Variants in FLRT2 observed in about 807,000 individuals in gnomAD.
FLRT2 encodes the protein leucine-rich repeat transmembrane protein FLRT2.
In FLRT2, 15 loss-of-function variants were observed where a neutral mutation model predicts 40.0. The observed-to-expected ratio is 0.38, with a 90% CI of 0.25 to 0.58. FLRT2 has a LOEUF of 0.58. FLRT2 is among the 20% of genes least tolerant of loss of function. The pLI is 0.71. For synonymous variants in FLRT2, 380 were observed against 336.8 expected (o/e 1.13, Z -1.41); for missense variants, 726 against 840.0 (o/e 0.86, Z 1.68).
Position 85,623,281 on chromosome 14 carries a change from C to A in FLRT2, c.1767C>A (p.Cys589Ter). 2 of 1,515,654 alleles carry A rather than the reference C, an allele frequency of 1.3e-6. No individual in the cohort carries two copies. The highest frequency in any genetic ancestry group is 8.8e-7 in the Non-Finnish European group (1 of 1,133,006). 93.9% of individuals were successfully genotyped at this position (1,515,654 alleles called of 1,614,324 possible). Reference protein sequence around the residue: ...YNRGRRKDDYCEAGTKKDNSI... With the variant: ...YNRGRRKDDY ...GGGGCCGGCGGAAAGATGATTATTG[C>A]GAGGCAGGCACCAAGAAGGACAACT... Residue 589 changes from cysteine (C) to a stop codon, truncating the protein, a stop_gained, in exon 2 of 2, where the codon TGC (cysteine) becomes TGA (stop). Coordinates refer to ENST00000330753, the MANE Select transcript of FLRT2 (RefSeq NM_013231.6). LOFTEE classifies it high-confidence loss of function.
chr14:85,535,912 TTTTTTTTTTG>T (rs1389197900), intron 1 of FLRT2, among the ~76,000 whole-genome samples: 24 of 82,614 alleles, frequency 2.9e-4, no homozygotes, highest in African/African-American at 9.0e-4. Flanking sequence ...TTTTTTTTTT[TTTTTTTTTTG>T]TTGTTGTTGT....
chr14:85,623,139 T>G lies in FLRT2; in HGVS notation c.1625T>G (p.Leu542Arg), dbSNP rs148001870. ...TCCCACAGCATGGGCTCCCCCTTTC[T>G]GCTGGCGGGCTTGATCGGGGGCGCG... ...TTSHSMGSPF[L>R]LAGLIGGAVI... The change falls in exon 2 of 2, where the codon CTG (leucine) becomes CGG (arginine). Residue 542 changes from leucine to arginine, a missense_variant. Leu to Arg is a moderately radical substitution (Grantham distance 102). Coordinates refer to ENST00000330753, the MANE Select transcript of FLRT2 (RefSeq NM_013231.6). The G allele has an allele frequency of 1.2e-5, 20 of 1,600,668 alleles. No individual in the cohort carries two copies. Among genetic ancestry groups the G allele is most frequent in the Admixed American group, 5.1e-5 (3 of 58,424 alleles).
In FLRT2 at chr14:85,624,545, T is replaced by C. The variant is rs1893583284; in HGVS notation, c.*1048T>C. ...TTCCTGCTATTTAGACAAAAACAAC[T>C]GATCAGTGGTTCTGTTATGTCAGCT... is the stretch of plus-strand genomic sequence containing the variant. On this transcript the variant is annotated 3_prime_UTR_variant, in exon 2 of 2. Coordinates refer to ENST00000330753, the MANE Select transcript of FLRT2 (RefSeq NM_013231.6). The C allele has an allele frequency of 1.2e-5, 2 of 167,172 alleles. No individual in the cohort carries two copies. The highest frequency in any genetic ancestry group is 2.4e-5 in the African/African-American group (1 of 41,586). 10.4% of individuals were successfully genotyped at this position (167,172 alleles called of 1,614,324 possible).
Position 85,651,005 on chromosome 14 carries a change from GC to G in FLRT2, c.*27510del, listed in dbSNP as rs1415169831. The G allele has an allele frequency of 2.0e-5, 3 of 151,602 alleles. No individual in the cohort carries two copies. The highest frequency in any genetic ancestry group is 4.4e-5 in the Non-Finnish European group (3 of 67,830). 9.4% of individuals were successfully genotyped at this position (151,602 alleles called of 1,614,324 possible). The stretch of plus-strand genomic sequence containing the variant: ...CTGGGATTATAGGCCTGAGCCACTG[GC>G]CTGTTTTGTTTTTCTTAATATAAGG... On this transcript the variant is annotated 3_prime_UTR_variant, in exon 2 of 2. Transcript: ENST00000330753.
chr14:85,562,015 T>G (rs968258445), intron 1 of FLRT2, among the ~76,000 whole-genome samples: 1 of 152,206 alleles, frequency 6.6e-6, no homozygotes, highest in African/African-American at 2.4e-5. Context: ...TCCTTAAGCT[T>G]TCTTACCAAT....
intron 1 of FLRT2, among the ~76,000 whole-genome samples, chr14:85,542,910 CTT>C (rs1450154434): frequency 1.3e-5 from 2 of 152,208 alleles, no homozygotes; most frequent in Admixed American, 6.5e-5. Flanking sequence ...TCAGACAAGA[CTT>C]TGTCCCTGCT....
intron 1 of FLRT2, among the ~76,000 whole-genome samples, chr14:85,532,956 A>G (rs1888376529): frequency 6.6e-6 from 1 of 152,178 alleles, no homozygotes; most frequent in South Asian, 2.1e-4. Flanking sequence ...TGGTGGTAGG[A>G]ACGGCATGTG....
At chr14:85,585,351 T>C (rs1891569634) in intron 1 of FLRT2, among the ~76,000 whole-genome samples, 2 of 152,180 alleles carry the variant, frequency 1.3e-5, no homozygotes, top group Non-Finnish European at 2.9e-5. Flanking sequence ...ACTATTCTTT[T>C]TCAGGGCAGT....
chr14:85,565,790 A>G (rs1197122015), intron 1 of FLRT2, among the ~76,000 whole-genome samples: 1 of 152,190 alleles, frequency 6.6e-6, no homozygotes, highest in Non-Finnish European at 1.5e-5. Context: ...TGTGACACTG[A>G]TAACTTCATA....
chr14:85,542,687 A>G (rs1255861485), intron 1 of FLRT2, among the ~76,000 whole-genome samples: 3 of 152,178 alleles, frequency 2.0e-5, no homozygotes, highest in Admixed American at 6.5e-5. Flanking sequence ...TTTAAAAAGT[A>G]GTTTTGTACT....
chr14:85,623,572 C>T lies in FLRT2; in HGVS notation c.*75C>T, dbSNP rs1294919318. ...ACACTCGTGTGTGCACATAAAGACA[C>T]GCAGATTACATTTGATAAATGTTAC... On this transcript the variant is annotated 3_prime_UTR_variant, in exon 2 of 2. Transcript: ENST00000330753. 1 of 1,170,732 alleles carries T rather than the reference C, an allele frequency of 8.5e-7. No individual in the cohort carries two copies. Among genetic ancestry groups the T allele is most frequent in the Admixed American group, 2.8e-5 (1 of 36,020 alleles). 72.5% of individuals were successfully genotyped at this position (1,170,732 alleles called of 1,614,324 possible). A position where few individuals can be genotyped will look rare whatever the true frequency, so the allele number is the denominator to read the frequency against.
At position 85,647,002 on chromosome 14, in the gene FLRT2, C is replaced by T. The variant is rs1323847354; in HGVS notation, c.*23505C>T. 5 of 152,158 alleles carry T rather than the reference C, an allele frequency of 3.3e-5. No homozygotes were observed. Among genetic ancestry groups the T allele is most frequent in the Non-Finnish European group, 5.9e-5 (4 of 68,034 alleles). The allele number at this position is 152,158 out of a possible 1,614,324, so 9.4% of individuals were successfully genotyped here. A position where few individuals can be genotyped will look rare whatever the true frequency, so the allele number is the denominator to read the frequency against. ...ACAGCTGACCAAAGCTATAGCTTCC[C>T]AATTACTTGATGAACAGCTATGAAT... On this transcript the variant is annotated 3_prime_UTR_variant, in exon 2 of 2. Transcript: ENST00000330753.
At chr14:85,575,569 A>G (rs1206576557) in intron 1 of FLRT2, among the ~76,000 whole-genome samples, 3 of 152,168 alleles carry the variant, frequency 2.0e-5, no homozygotes, top group Non-Finnish European at 4.4e-5. Context: ...GGGAAATGAG[A>G]TGAACAGTTT....
At chr14:85,594,910 C>T (rs1230225468) in intron 1 of FLRT2, among the ~76,000 whole-genome samples, 1 of 152,042 alleles carries the variant, frequency 6.6e-6, no homozygotes, top group Admixed American at 6.6e-5. Context: ...TGACAGTATT[C>T]TTACAATAAA....
chr14:85,545,637 T>C (rs549823959), intron 1 of FLRT2, among the ~76,000 whole-genome samples: 1 of 152,328 alleles, frequency 6.6e-6, no homozygotes, highest in African/African-American at 2.4e-5. Flanking sequence ...AAGAGATTCA[T>C]GAGTCTCTCA....
chr14:85,592,583 G>A (rs1325141406), intron 1 of FLRT2, among the ~76,000 whole-genome samples: 2 of 152,062 alleles, frequency 1.3e-5, no homozygotes, highest in African/African-American at 2.4e-5. Context: ...GAGGTCAGGA[G>A]TTTGAGACCA....
chr14:85,546,176 A>ATC (rs1889269675), intron 1 of FLRT2, among the ~76,000 whole-genome samples: 1 of 152,158 alleles, frequency 6.6e-6, no homozygotes, highest in African/African-American at 2.4e-5. Flanking sequence ...GGTTGCACTC[A>ATC]TCTCTACATG....
rs917694237 is a variant in FLRT2, at chr14:85,653,093, G to A, written c.*29596G>A. ...CCTAAAAGAAAGAAGGCAGCAAATG[G>A]TTCCAGACATTTATAATTATGCATC... On this transcript the variant is annotated 3_prime_UTR_variant, in exon 2 of 2. Coordinates refer to ENST00000330753, the MANE Select transcript of FLRT2 (RefSeq NM_013231.6). The A allele has an allele frequency of 6.6e-6, 1 of 152,144 alleles. No homozygotes were observed. Among genetic ancestry groups the A allele is most frequent in the African/African-American group, 2.4e-5 (1 of 41,416 alleles). 9.4% of individuals were successfully genotyped at this position (152,144 alleles called of 1,614,324 possible).
At chr14:85,582,508 G>T (rs1319269040) in intron 1 of FLRT2, among the ~76,000 whole-genome samples, 1 of 152,122 alleles carries the variant, frequency 6.6e-6, no homozygotes, top group South Asian at 2.1e-4. Flanking sequence ...GCATTTATTA[G>T]CATAGATTTT....
Sources: allele counts gnomAD v4.1 joint callset (sites outside exome capture counted in the v4.1 genomes callset), GRCh38; gene constraint gnomAD v4.1.1; transcripts MANE v1.5; gene names NCBI Gene and HGNC (gene_info 2026-07-23, HGNC 2026-07-21).